Variants in NPHP3 observed in about 807,000 individuals in gnomAD.
NPHP3 encodes nephrocystin 3.
In NPHP3, 123 loss-of-function variants were observed where a neutral mutation model predicts 171.9. That is an observed-to-expected ratio of 0.72 (90% CI 0.62 to 0.83). The LOEUF (loss-of-function observed/expected upper bound fraction) is 0.83, where lower values mean the gene tolerates loss of function less well. Ranked by LOEUF, NPHP3 falls within the 40% of genes least tolerant of loss-of-function variation. The pLI, the probability that NPHP3 is intolerant of heterozygous loss-of-function variation, is 0.00. For synonymous variants in NPHP3, 558 were observed against 579.2 expected (o/e 0.96, Z 0.52); for missense variants, 1,506 against 1,591.9 (o/e 0.95, Z 0.92).
chr3:132,692,855 A>C (rs1280322591), intron 16 of NPHP3, 37 bp from the exon 17 acceptor site: 10 of 1,580,990 alleles, frequency 6.3e-6, no homozygotes, highest in Non-Finnish European at 8.7e-6. Context: ...ATCATAAAGC[A>C]CCTGTATAAG....
chr3:132,715,754 T>A (rs1940034314), intron 4 of NPHP3, among the ~76,000 whole-genome samples: 1 of 152,226 alleles, frequency 6.6e-6, no homozygotes, highest in Admixed American at 6.5e-5. Flanking sequence ...TAGAACTACT[T>A]ATAACTTCTT....
Position 132,722,317 on chromosome 3 carries a change from CCCGCCCGCGGG to C in NPHP3, c.28_38del (p.Pro10GlyfsTer149). Reference sequence around the variant, plus strand: ...CCCCGTACGTGTCCTCGATCACTTCCCCGCCCGCGGGGCTCACGAGCGACGAGGCGGTCCCC... The same window carrying C: ...CCCCGTACGTGTCCTCGATCACTTCCGCTCACGAGCGACGAGGCGGTCCCC... On this transcript the variant is annotated frameshift_variant, in exon 1 of 27. Transcript: ENST00000337331. LOFTEE classifies it high-confidence loss of function. 1 of 1,581,788 alleles carries C rather than the reference CCCGCCCGCGGG, an allele frequency of 6.3e-7. No homozygotes were observed. Among genetic ancestry groups the C allele is most frequent in the Non-Finnish European group, 8.5e-7 (1 of 1,173,084 alleles).
chr3:132,697,376 AAAAG>A lies in NPHP3; in HGVS notation c.1986-18_1986-15del. 1 of 1,551,178 alleles carries A rather than the reference AAAAG, an allele frequency of 6.4e-7. No individual in the cohort carries two copies. Among genetic ancestry groups the A allele is most frequent in the Non-Finnish European group, 8.9e-7 (1 of 1,127,014 alleles). On this transcript the variant is annotated splice_polypyrimidine_tract_variant and intron_variant, in intron 13 of 26. Transcript: ENST00000337331. ...GTAGGCCACAACCTTTTATGTAAAG[AAAAG>A]AAAAATGAAATTTTAATAATACAAC...
rs770200607 is a variant in NPHP3, at chr3:132,704,318, C to T, written c.1404G>A (p.Glu468=). 6.8e-5 allele frequency: 110 copies of T among 1,614,030 alleles called. No individual in the cohort carries two copies. Among genetic ancestry groups the T allele is most frequent in the Non-Finnish European group, 9.2e-5 (108 of 1,180,048 alleles). Residue 468 remains glutamate, a synonymous_variant, in exon 9 of 27, where the codon GAG becomes GAA. Coordinates refer to ENST00000337331, the MANE Select transcript of NPHP3 (RefSeq NM_153240.5). ...TDLETKDLGS[E]DSIPEEDDFG... ...AATCATCTTCTTCTGGAATGGAATC[C>T]TCACTGCCCAAATCCTTAGTCTCCA...
chr3:132,700,964 T>C (rs1048587649), intron 10 of NPHP3, among the ~76,000 whole-genome samples: 7 of 152,194 alleles, frequency 4.6e-5, no homozygotes. Flanking sequence ...TTTGAAGAAC[T>C]AGATTGCATT....
intron 10 of NPHP3, among the ~76,000 whole-genome samples, chr3:132,701,201 A>G (rs111953664): frequency 6.6e-6 from 1 of 152,346 alleles, no homozygotes; most frequent in African/African-American, 2.4e-5. Flanking sequence ...TATGTGATTT[A>G]TATACATAAT....
Position 132,712,758 on chromosome 3 carries a change from T to A in NPHP3, c.1118+368A>T, listed in dbSNP as rs374965987. The stretch of plus-strand genomic sequence containing the variant: ...TCCAGCCTGGACGACAGAGCAAGAC[T>A]CTGTCTCAAAAAAAAAAGAAAAAAA... On this transcript the variant is annotated intron_variant, in intron 6 of 26. Coordinates refer to ENST00000337331, the MANE Select transcript of NPHP3 (RefSeq NM_153240.5). 9.2e-5 allele frequency among the ~76,000 whole-genome samples: 14 copies of A among 151,366 alleles called. No individual in the cohort carries two copies. The East Asian group carries it at 1.4e-3, about 15-fold the overall frequency.
At position 132,715,166 on chromosome 3, in the gene NPHP3, T is replaced by C. The variant is rs777368543; in HGVS notation, c.876A>G (p.Ser292=). 5.0e-6 allele frequency: 8 copies of C among 1,610,528 alleles called. No individual in the cohort carries two copies. Among genetic ancestry groups the C allele is most frequent in the Middle Eastern group, 3.3e-4 (2 of 6,052 alleles). The change falls in exon 5 of 27, where the codon TCA becomes TCG. Residue 292 remains serine, a synonymous_variant. Transcript: ENST00000337331. ...TGACAGTGTTACTCCACAGAGAATG[T>C]GAAAACAGAGGAGTAACTTGTAATA... The part of the protein sequence containing the change: ...ASLLQVTPLF[S]HSLWSNTVRC...
intron 15 of NPHP3, 80 bp from the exon 16 acceptor site, chr3:132,695,045 T>G: frequency 7.3e-7 from 1 of 1,374,520 alleles, no homozygotes; most frequent in South Asian, 1.2e-5. Context: ...AAAAACAACG[T>G]GAACTCTATT....
chr3:132,704,056 C>T (rs1939684562), intron 9 of NPHP3, 142 bp downstream of exon 9: 1 of 851,044 alleles, frequency 1.2e-6, no homozygotes, highest in Non-Finnish European at 1.9e-6. Context: ...AACCTAAGCA[C>T]ATCTCAACAT....
In NPHP3 at chr3:132,686,305, G is replaced by A. The variant is rs1939162352; in HGVS notation, c.3284C>T (p.Thr1095Ile). The change falls in exon 23 of 27, where the codon ACC becomes ATC. Residue 1095 changes from threonine (T) to isoleucine (I), a missense_variant. Transcript: ENST00000337331. ...LGKDTPDNAR[T>I]LNELGVLYYL... is the part of the protein sequence containing the mutation. ...GTAGAGAACACCCAGTTCATTGAGG[G>A]TCCGAGCATTATCAGGTGTGTCCTT... 5 of 1,613,764 alleles carry A rather than the reference G, an allele frequency of 3.1e-6. No homozygotes were observed. Among genetic ancestry groups the A allele is most frequent in the South Asian group, 2.2e-5 (2 of 91,074 alleles).
intron 8 of NPHP3, among the ~76,000 whole-genome samples, chr3:132,705,520 C>T (rs905932182): frequency 1.3e-5 from 2 of 152,202 alleles, no homozygotes; most frequent in Non-Finnish European, 2.9e-5. Flanking sequence ...ATTGAAGCAT[C>T]AAATAGTCCT....
intron 2 of NPHP3, 36 bp from the exon 3 acceptor site, chr3:132,719,180 TC>T: frequency 6.6e-7 from 1 of 1,525,310 alleles, no homozygotes; most frequent in Non-Finnish European, 8.9e-7. Context: ...GAAAGCTTTT[TC>T]ATAATCAAAA....
Position 132,690,413 on chromosome 3 carries a change from T to G in NPHP3, c.2693+115A>C. On this transcript the variant is annotated intron_variant, in intron 19 of 26. Coordinates refer to ENST00000337331, the MANE Select transcript of NPHP3 (RefSeq NM_153240.5). Reference sequence around the variant, plus strand: ...TGTCTCAAGATTTCTCCTACACTATTTGTATTTCAGATACTTAGACTAATT... The same window carrying G: ...TGTCTCAAGATTTCTCCTACACTATGTGTATTTCAGATACTTAGACTAATT... 2.1e-6 allele frequency: 2 copies of G among 973,700 alleles called. 1 individual carries two copies. The highest frequency in any genetic ancestry group is 2.9e-5 in the South Asian group (2 of 68,174). The allele number at this position is 973,700 out of a possible 1,614,324, so 60.3% of individuals were successfully genotyped here.
In NPHP3 at chr3:132,681,879, G is replaced by T. The variant is rs761940786; in HGVS notation, c.*31C>A. The T allele has an allele frequency of 6.4e-7, 1 of 1,573,718 alleles. No individual in the cohort carries two copies. Among genetic ancestry groups the T allele is most frequent in the South Asian group, 1.1e-5 (1 of 90,254 alleles). On this transcript the variant is annotated 3_prime_UTR_variant, in exon 27 of 27. Coordinates refer to ENST00000337331, the MANE Select transcript of NPHP3 (RefSeq NM_153240.5). ...AAATGTTTAATTATTTTGTCTTAAG[G>T]TACATTTGCAAAGAATTCTAACTGC... is the stretch of plus-strand genomic sequence containing the variant.
chr3:132,716,939 A>T, intron 3 of NPHP3, 30 bp from the exon 4 acceptor site: 1 of 1,610,968 alleles, frequency 6.2e-7, no homozygotes, highest in Non-Finnish European at 8.5e-7. Flanking sequence ...TATCTTGTGA[A>T]AGCCAACTTA....
intron 6 of NPHP3, among the ~76,000 whole-genome samples, chr3:132,710,905 CTAAG>C (rs1477820934): frequency 6.6e-6 from 1 of 152,140 alleles, no homozygotes; most frequent in Non-Finnish European, 1.5e-5. Flanking sequence ...CAGCCTACAA[CTAAG>C]TATGTTGTTA....
At chr3:132,709,427 C>CCCACAGGT (rs1939850440) in intron 6 of NPHP3, among the ~76,000 whole-genome samples, 1 of 151,922 alleles carries the variant, frequency 6.6e-6, no homozygotes, top group Admixed American at 6.6e-5. Flanking sequence ...GGCCCACAGG[C>CCCACAGGT]ACACGCCACC....
Position 132,688,960 on chromosome 3 carries a change from A to T in NPHP3, c.2884-69T>A, listed in dbSNP as rs1293889169. 1.9e-6 allele frequency: 3 copies of T among 1,612,734 alleles called. No individual in the cohort carries two copies. In the Admixed American group the frequency reaches 5.0e-5, roughly 27 times the overall value. ...GCTGCAAGATCTGTCATCTGATTAA[A>T]TATTAAGGATTATAGCACAACAAAT... is the stretch of plus-strand genomic sequence containing the variant. On this transcript the variant is annotated intron_variant, in intron 20 of 26. Coordinates refer to ENST00000337331, the MANE Select transcript of NPHP3 (RefSeq NM_153240.5).
Sources: allele counts gnomAD v4.1 joint callset (sites outside exome capture counted in the v4.1 genomes callset), GRCh38; gene constraint gnomAD v4.1.1; transcripts MANE v1.5; gene names NCBI Gene and HGNC (gene_info 2026-07-23, HGNC 2026-07-21).